USP15: variants seen among roughly 807,000 people sequenced by gnomAD.
The protein encoded by USP15 is ubiquitin specific peptidase 15.
In USP15, 18 loss-of-function variants were observed where a neutral mutation model predicts 127.1. The observed-to-expected ratio is 0.14, with a 90% CI of 0.10 to 0.21. The LOEUF (loss-of-function observed/expected upper bound fraction) is 0.21, where lower values mean the gene tolerates loss of function less well. Ranked by LOEUF, USP15 falls within the 10% of genes least tolerant of loss-of-function variation. The probability of loss-of-function intolerance (pLI) is 1.00; values close to 1 mark genes in which losing one functional copy is unlikely to be tolerated. For missense variants in USP15, 805 were observed against 1,159.9 expected, an observed-to-expected ratio of 0.69 and a Z score of 4.44; for synonymous variants, 364 against 393.7, an observed-to-expected ratio of 0.92 and a Z score of 0.89.
chr12:62,389,422 G>GT lies in USP15; in HGVS notation c.1474-3dup. On this transcript the variant is annotated splice_polypyrimidine_tract_variant and intron_variant, in intron 11 of 21. Coordinates refer to ENST00000280377, the MANE Select transcript of USP15 (RefSeq NM_001252078.2). Reference sequence around the variant, plus strand: ...TAATAAATTCATTACAATTTTTTTTGTTTTTTAGTACAAAGTGGTTGTCCC... The same window carrying GT: ...TAATAAATTCATTACAATTTTTTTTGTTTTTTTAGTACAAAGTGGTTGTCCC... 1.9e-6 allele frequency: 3 copies of GT among 1,593,354 alleles called. No homozygotes were observed. Among genetic ancestry groups the GT allele is most frequent in the Non-Finnish European group, 2.6e-6 (3 of 1,174,038 alleles).
At chr12:62,333,709 G>A (rs925005822) in intron 6 of USP15, among the ~76,000 whole-genome samples, 1 of 152,012 alleles carries the variant, frequency 6.6e-6, no homozygotes, top group Non-Finnish European at 1.5e-5. Flanking sequence ...TAAAGTTGGA[G>A]GTAATGAAAT....
intron 11 of USP15, among the ~76,000 whole-genome samples, chr12:62,387,285 G>A (rs767149131): frequency 5.9e-5 from 9 of 152,272 alleles, no homozygotes; most frequent in Admixed American, 1.3e-4. Context: ...AGGTGACCCC[G>A]TGATTTATCA....
intron 20 of USP15, among the ~76,000 whole-genome samples, chr12:62,398,484 C>T (rs1165932182): frequency 7.9e-5 from 12 of 152,136 alleles, no homozygotes; most frequent in Non-Finnish European, 2.9e-5. Context: ...ACTGCTTTAG[C>T]TGTACTTCAG....
chr12:62,396,609 A>T (rs1170793388), intron 20 of USP15, among the ~76,000 whole-genome samples: 1 of 151,942 alleles, frequency 6.6e-6, no homozygotes, highest in Non-Finnish European at 1.5e-5. Context: ...TCCTCAGTTC[A>T]AGGCCTAGTA....
intron 17 of USP15, among the ~76,000 whole-genome samples, 185 bp downstream of exon 17, chr12:62,392,071 G>C (rs2067341603): frequency 6.6e-6 from 1 of 151,580 alleles, no homozygotes; most frequent in Non-Finnish European, 1.5e-5. Flanking sequence ...TAAAGGTTCA[G>C]AGTTCATTTT....
chr12:62,283,744 A>AT (rs2063716173), intron 1 of USP15, among the ~76,000 whole-genome samples: 1 of 152,080 alleles, frequency 6.6e-6, no homozygotes, highest in Non-Finnish European at 1.5e-5. Context: ...GGAGTTTGAG[A>AT]CCAGCCTGGC....
At chr12:62,260,866 C>T (rs1427140962) in intron 1 of USP15, among the ~76,000 whole-genome samples, 1 of 152,082 alleles carries the variant, frequency 6.6e-6, no homozygotes, top group East Asian at 1.9e-4. Flanking sequence ...TTTGACAGGT[C>T]CCGGTGCCGC....
intron 6 of USP15, among the ~76,000 whole-genome samples, chr12:62,345,445 A>G (rs1298319746): frequency 2.6e-5 from 4 of 152,190 alleles, no homozygotes; most frequent in Non-Finnish European, 5.9e-5. Flanking sequence ...GCAAGTCTCT[A>G]GGAAGTTTTA....
intron 20 of USP15, among the ~76,000 whole-genome samples, chr12:62,396,656 C>T (rs1001453853): frequency 1.3e-5 from 2 of 151,970 alleles, no homozygotes; most frequent in South Asian, 2.1e-4. Context: ...TTTCCCTCCA[C>T]GTTCTCCTTC....
At chr12:62,276,467 T>C (rs2137072333) in intron 1 of USP15, among the ~76,000 whole-genome samples, 1 of 152,214 alleles carries the variant, frequency 6.6e-6, no homozygotes, top group Non-Finnish European at 1.5e-5. Context: ...ATATGTCAGT[T>C]TTGGAATTGT....
chr12:62,386,334 G>A (rs1318572783), intron 11 of USP15, among the ~76,000 whole-genome samples: 1 of 151,916 alleles, frequency 6.6e-6, no homozygotes, highest in Non-Finnish European at 1.5e-5. Context: ...TTTAGGTCAT[G>A]GAAGCTTATT....
At chr12:62,361,677 C>G (rs1592667910) in intron 8 of USP15, among the ~76,000 whole-genome samples, 2 of 151,694 alleles carry the variant, frequency 1.3e-5, no homozygotes, top group African/African-American at 4.8e-5. Context: ...AATCTGTAGT[C>G]TGTAATGGGA....
intron 6 of USP15, among the ~76,000 whole-genome samples, chr12:62,340,428 A>G (rs2065612962): frequency 6.6e-6 from 1 of 151,872 alleles, no homozygotes. Context: ...GTCTTCTGCT[A>G]GCTTTTGAAT....
intron 3 of USP15, among the ~76,000 whole-genome samples, chr12:62,310,912 A>G (rs913693121): frequency 1.1e-4 from 16 of 152,080 alleles, no homozygotes; most frequent in South Asian, 4.1e-4. Context: ...CTTTTTAATA[A>G]TAACCATTAT....
chr12:62,277,049 T>C (rs1369057116), intron 1 of USP15, among the ~76,000 whole-genome samples: 3 of 152,162 alleles, frequency 2.0e-5, no homozygotes, highest in Non-Finnish European at 2.9e-5. Context: ...TACTTCATTC[T>C]GTGTGCATAT....
chr12:62,348,875 G>C (rs1354043800), intron 6 of USP15, among the ~76,000 whole-genome samples: 1 of 152,098 alleles, frequency 6.6e-6, no homozygotes, highest in East Asian at 1.9e-4. Flanking sequence ...AAACAAAGTA[G>C]AATAGTTTAA....
chr12:62,272,023 T>C (rs962247516), intron 1 of USP15, among the ~76,000 whole-genome samples: 1 of 151,758 alleles, frequency 6.6e-6, no homozygotes, highest in African/African-American at 2.4e-5. Context: ...ACTGAAACCA[T>C]GAAATTCTGA....
intron 6 of USP15, among the ~76,000 whole-genome samples, chr12:62,332,965 T>G (rs768576442): frequency 5.3e-5 from 8 of 152,240 alleles, no homozygotes; most frequent in Non-Finnish European, 8.8e-5. Flanking sequence ...AGACAGATAG[T>G]AAGCACTTAG....
intron 19 of USP15, 36 bp from the exon 20 acceptor site, chr12:62,396,259 C>A (rs187336061): frequency 8.9e-5 from 135 of 1,515,612 alleles, no homozygotes; most frequent in Non-Finnish European, 9.8e-6. Context: ...CATTTAGGGA[C>A]AACATAAAAA....
Sources: gnomAD v4.1 joint callset for allele counts (sites outside exome capture counted in the v4.1 genomes callset) on GRCh38, gnomAD v4.1.1 for gene constraint, MANE v1.5 for transcripts, NCBI Gene and HGNC (gene_info 2026-07-23, HGNC 2026-07-21) for gene names.